MCTP1: variants seen among roughly 807,000 people sequenced by gnomAD.
MCTP1 encodes the protein multiple C2 and transmembrane domain-containing protein 1.
Under a neutral mutation model 120.6 loss-of-function variants are expected in MCTP1, and 69 were observed. That is an observed-to-expected ratio of 0.57 (90% CI 0.47 to 0.70). MCTP1 has a LOEUF of 0.70. Ranked by LOEUF, MCTP1 falls within the 30% of genes least tolerant of loss-of-function variation. The probability of loss-of-function intolerance (pLI) is 0.00; values close to 1 mark genes in which losing one functional copy is unlikely to be tolerated. For synonymous variants in MCTP1, 529 were observed against 493.1 expected (o/e 1.07, Z -0.96); for missense variants, 1,203 against 1,248.8 (o/e 0.96, Z 0.55).
chr5:94,946,208 AGG>A (rs1818878181), intron 3 of MCTP1, among the ~76,000 whole-genome samples: 1 of 152,202 alleles, frequency 6.6e-6, no homozygotes, highest in Admixed American at 6.6e-5. Flanking sequence ...TAGCTGCCCC[AGG>A]ATGCTAATGG....
At chr5:95,104,558 C>G (rs965497671) in intron 1 of MCTP1, among the ~76,000 whole-genome samples, 1 of 152,120 alleles carries the variant, frequency 6.6e-6, no homozygotes, top group East Asian at 1.9e-4. Flanking sequence ...TAAGCAATGA[C>G]GATAGATGGT....
chr5:94,906,873 T>A (rs1325632280), intron 10 of MCTP1, among the ~76,000 whole-genome samples: 2 of 152,190 alleles, frequency 1.3e-5, no homozygotes, highest in African/African-American at 4.8e-5. Context: ...AGCAAATTCC[T>A]AGAATAGTCT....
chr5:95,205,957 A>C (rs1751571447), intron 1 of MCTP1, among the ~76,000 whole-genome samples: 1 of 152,224 alleles, frequency 6.6e-6, no homozygotes, highest in Non-Finnish European at 1.5e-5. Flanking sequence ...TAGTATATCC[A>C]CTTTGGAAAA....
intron 5 of MCTP1, among the ~76,000 whole-genome samples, chr5:94,932,458 C>T (rs138239871): frequency 6.6e-6 from 1 of 152,086 alleles, no homozygotes; most frequent in Non-Finnish European, 1.5e-5. Flanking sequence ...CCTACAAATG[C>T]TTTCAATTAA....
chr5:95,094,491 T>A (rs186811822), intron 1 of MCTP1, among the ~76,000 whole-genome samples: 13 of 152,312 alleles, frequency 8.5e-5, no homozygotes, highest in African/African-American at 2.6e-4. Context: ...ATAAGCAAAT[T>A]AACAATACTG....
intron 18 of MCTP1, among the ~76,000 whole-genome samples, chr5:94,795,690 T>C (rs1274295449): frequency 3.9e-5 from 6 of 152,250 alleles, no homozygotes; most frequent in Non-Finnish European, 8.8e-5. Context: ...TTTAATGTCA[T>C]GGTCCCAGTC....
intron 20 of MCTP1, among the ~76,000 whole-genome samples, chr5:94,714,197 G>A (rs1758221182): frequency 2.0e-5 from 3 of 152,040 alleles, no homozygotes; most frequent in Non-Finnish European, 4.4e-5. Flanking sequence ...ATTTTAAAAA[G>A]TTAAGGAAAA....
chr5:95,071,134 TTGTGAAGGCTAAC>T (rs1325611578), intron 1 of MCTP1, among the ~76,000 whole-genome samples: 5 of 152,186 alleles, frequency 3.3e-5, no homozygotes, highest in African/African-American at 9.6e-5. Flanking sequence ...CAGAGCATAC[TTGTGAAGGCTAAC>T]TGTGAAGGCT....
rs190314731 is a variant in MCTP1 at position 94,982,531 on chromosome 5, T to C, written c.839-29170A>G. Among the ~76,000 whole-genome samples, 70 of 152,226 alleles carry C rather than the reference T, an allele frequency of 4.6e-4. 2 individuals carry two copies. In the East Asian group the frequency reaches 0.011, roughly 23 times the overall value. Reference sequence around the variant, plus strand: ...TATGATGAAATTTCATTCATGTCTATGATTATGTTACTTATATGGCAAAAG... The same window carrying C: ...TATGATGAAATTTCATTCATGTCTACGATTATGTTACTTATATGGCAAAAG... On this transcript the variant is annotated intron_variant, in intron 2 of 22. Transcript: ENST00000515393.
intron 1 of MCTP1, among the ~76,000 whole-genome samples, chr5:95,177,257 C>T (rs1465563569): frequency 7.3e-5 from 11 of 151,694 alleles, no homozygotes. Context: ...TTAATGAGTC[C>T]AAAATCTGAT....
chr5:95,068,822 T>C (rs1751356408), intron 1 of MCTP1: 1 of 1,275,242 alleles, frequency 7.8e-7, no homozygotes, highest in Non-Finnish European at 1.0e-6. Flanking sequence ...AATCTTACCA[T>C]ACAGGGTCTG....
At chr5:95,005,365 T>C (rs1834505033) in intron 2 of MCTP1, among the ~76,000 whole-genome samples, 1 of 152,112 alleles carries the variant, frequency 6.6e-6, no homozygotes, top group Non-Finnish European at 1.5e-5. Context: ...GTTAAGACTT[T>C]GGGGTACTGT....
chr5:94,774,621 G>A (rs887414210), intron 19 of MCTP1, among the ~76,000 whole-genome samples: 2 of 152,168 alleles, frequency 1.3e-5, no homozygotes, highest in Non-Finnish European at 2.9e-5. Flanking sequence ...ACCCTGAGCA[G>A]AGAACCCAAC....
chr5:94,762,240 T>A (rs1771532285), intron 19 of MCTP1, among the ~76,000 whole-genome samples: 1 of 152,232 alleles, frequency 6.6e-6, no homozygotes, highest in African/African-American at 2.4e-5. Flanking sequence ...GAGTGACTTA[T>A]GCCTCAGAGG....
intron 2 of MCTP1, among the ~76,000 whole-genome samples, chr5:94,963,996 T>G (rs1824994116): frequency 6.6e-6 from 1 of 152,188 alleles, no homozygotes; most frequent in South Asian, 2.1e-4. Flanking sequence ...TTTTATATAG[T>G]ATAAGGGTCA....
At chr5:95,242,018 G>A (rs1327660219) in intron 1 of MCTP1, among the ~76,000 whole-genome samples, 2 of 152,166 alleles carry the variant, frequency 1.3e-5, no homozygotes, top group South Asian at 4.2e-4. Context: ...GAATCAAAAC[G>A]CCTATGCAAA....
intron 17 of MCTP1, among the ~76,000 whole-genome samples, chr5:94,819,952 T>C (rs556715883): frequency 1.3e-5 from 2 of 152,338 alleles, no homozygotes; most frequent in South Asian, 4.1e-4. Flanking sequence ...TCCTTCTGTG[T>C]TATCTTGAAT....
In MCTP1 at chr5:95,045,353, T is replaced by G. The variant is rs147847310; in HGVS notation, c.721-27869A>C. Among the ~76,000 whole-genome samples, 1,261 of 152,308 alleles carry G rather than the reference T, an allele frequency of 8.3e-3. 18 individuals carry two copies. The highest frequency in any genetic ancestry group is 0.028 in the African/African-American group (1,179 of 41,560). Reference sequence around the variant, plus strand: ...GTTTGGAAATACCATATTTATAAGTTGACTTGGTTTTAATGAATTTTATGT... The same window carrying G: ...GTTTGGAAATACCATATTTATAAGTGGACTTGGTTTTAATGAATTTTATGT... On this transcript the variant is annotated intron_variant, in intron 1 of 22. Coordinates refer to ENST00000515393, the MANE Select transcript of MCTP1 (RefSeq NM_024717.7).
At chr5:95,169,903 G>C (rs1321794103) in intron 1 of MCTP1, among the ~76,000 whole-genome samples, 1 of 151,982 alleles carries the variant, frequency 6.6e-6, no homozygotes, top group Non-Finnish European at 1.5e-5. Flanking sequence ...CTTCAGTTCT[G>C]CTCTGATCTT....
Sources: gnomAD v4.1 joint callset for allele counts (sites outside exome capture counted in the v4.1 genomes callset) on GRCh38, gnomAD v4.1.1 for gene constraint, MANE v1.5 for transcripts, NCBI Gene and HGNC (gene_info 2026-07-23, HGNC 2026-07-21) for gene names.